The following NPC1L1 variants were observed in gnomAD, a reference collection of about 807,000 sequenced individuals.
NPC1L1 encodes the protein NPC1 like intracellular cholesterol transporter 1.
In NPC1L1, 98 loss-of-function variants were observed where a neutral mutation model predicts 117.0. The observed-to-expected ratio is 0.84, with a 90% CI of 0.71 to 0.99. The LOEUF (loss-of-function observed/expected upper bound fraction) is 0.99, where lower values mean the gene tolerates loss of function less well. Ranked by LOEUF, NPC1L1 falls within the 50% of genes least tolerant of loss-of-function variation. The pLI is 0.00. For synonymous variants in NPC1L1, 729 were observed against 727.6 expected (o/e 1.00, Z -0.03); for missense variants, 1,540 against 1,710.0 (o/e 0.90, Z 1.75).
rs1394558305 is a variant in NPC1L1 at position 44,534,444 on chromosome 7, T to C, written c.2166+3A>G. On this transcript the variant is annotated splice_donor_region_variant and intron_variant, in intron 6 of 18. Coordinates refer to ENST00000381160, the MANE Select transcript of NPC1L1 (RefSeq NM_001101648.2). The surrounding 1 kb of genome is among the most constrained non-coding windows in gnomAD (Gnocchi z 5.2). Reference sequence around the variant, plus strand: ...GGGGTGTGGAGAGCTCCTCCCTTCTTACCTGGTACTCGAGAACAAAGATGA... The same window carrying C: ...GGGGTGTGGAGAGCTCCTCCCTTCTCACCTGGTACTCGAGAACAAAGATGA... The C allele has an allele frequency of 1.2e-6, 2 of 1,613,816 alleles. No individual in the cohort carries two copies. The highest frequency in any genetic ancestry group is 3.3e-5 in the Admixed American group (2 of 59,982).
At position 44,532,143 on chromosome 7, in the gene NPC1L1, C is replaced by A. The variant is rs764363101; in HGVS notation, c.2484G>T (p.Leu828=). The change falls in exon 9 of 19, where the codon CTG becomes CTT. Residue 828 remains leucine, a synonymous_variant. Coordinates refer to ENST00000381160, the MANE Select transcript of NPC1L1 (RefSeq NM_001101648.2). Reference sequence around the variant, plus strand: ...CATAAGCCTTTTGGAAGAAGCCAAGCAGGAGCCCCTCTCCCTGGCCAGGCG... The same window carrying A: ...CATAAGCCTTTTGGAAGAAGCCAAGAAGGAGCCCCTCTCCCTGGCCAGGCG... ...LPPPGQGEGL[L]LGFFQKAYAP... 1.9e-5 allele frequency: 30 copies of A among 1,613,994 alleles called. No individual in the cohort carries two copies. Among genetic ancestry groups the A allele is most frequent in the African/African-American group, 4.0e-5 (3 of 74,916 alleles).
Position 44,539,924 on chromosome 7 carries a change from G to C in NPC1L1, c.473C>G (p.Ala158Gly), listed in dbSNP as rs141818284. The C allele has an allele frequency of 1.6e-4, 264 of 1,614,100 alleles. No individual in the cohort carries two copies. Among genetic ancestry groups the C allele is most frequent in the Non-Finnish European group, 2.2e-4 (257 of 1,180,052 alleles). The change falls in exon 2 of 19, where the codon GCC (alanine) becomes GGC (glycine). Residue 158 changes from alanine to glycine, a missense_variant. Coordinates refer to ENST00000381160, the MANE Select transcript of NPC1L1 (RefSeq NM_001101648.2). The surrounding 1 kb of genome is among the most constrained non-coding windows in gnomAD (Gnocchi z 4.4). ...GQLPAVVAYE[A>G]FYQHSFAEQS... Reference sequence around the variant, plus strand: ...CTCGGCAAAGCTATGCTGGTAGAAGGCCTCATAGGCCACCACAGCTGGGAG... The same window carrying C: ...CTCGGCAAAGCTATGCTGGTAGAAGCCCTCATAGGCCACCACAGCTGGGAG...
chr7:44,536,978 C>T lies in NPC1L1; in HGVS notation c.1581-36G>A, dbSNP rs1396616631. 7.6e-6 allele frequency: 12 copies of T among 1,569,262 alleles called. No homozygotes were observed. The highest frequency in any genetic ancestry group is 1.0e-5 in the Non-Finnish European group (12 of 1,143,392). On this transcript the variant is annotated intron_variant, in intron 2 of 18. Coordinates refer to ENST00000381160, the MANE Select transcript of NPC1L1 (RefSeq NM_001101648.2). The surrounding 1 kb of genome is among the most constrained non-coding windows in gnomAD (Gnocchi z 4.7). ...ATGACCGCAAAGGGAAAGGGCCTTTCCTGGCCCTGCCCAGTCCCTATGGCC... is the reference window on the plus strand; with the variant it reads ...ATGACCGCAAAGGGAAAGGGCCTTTTCTGGCCCTGCCCAGTCCCTATGGCC...
In NPC1L1 at chr7:44,534,689, G is replaced by T; in HGVS notation, c.1984-60C>A. On this transcript the variant is annotated intron_variant, in intron 5 of 18. Transcript: ENST00000381160. The surrounding 1 kb of genome is among the most constrained non-coding windows in gnomAD (Gnocchi z 5.2). ...TAGCACCTACCCAGTATGCCCACCA[G>T]CCTCAGCTAGGCCAGACAAAGTAGC... 1 of 1,582,474 alleles carries T rather than the reference G, an allele frequency of 6.3e-7. No homozygotes were observed. Among genetic ancestry groups the T allele is most frequent in the Non-Finnish European group, 8.6e-7 (1 of 1,156,520 alleles).
rs1333861676 is a variant in NPC1L1, at chr7:44,532,150, C to T, written c.2477G>A (p.Gly826Glu). ...QELPPPGQGE[G>E]LLLGFFQKAY... ...CTTTTGGAAGAAGCCAAGCAGGAGC[C>T]CCTCTCCCTGGCCAGGCGGGGGCAG... Residue 826 changes from glycine to glutamate, a missense_variant, in exon 9 of 19, where the codon GGG becomes GAG. Physicochemically the swap from Gly to Glu is moderately conservative, Grantham distance 98. Transcript: ENST00000381160. 2 of 1,613,968 alleles carry T rather than the reference C, an allele frequency of 1.2e-6. No individual in the cohort carries two copies. Among genetic ancestry groups the T allele is most frequent in the Non-Finnish European group, 1.7e-6 (2 of 1,180,034 alleles).
chr7:44,536,544 C>T lies in NPC1L1; in HGVS notation c.1682-116G>A, dbSNP rs1445159210. 1.7e-6 allele frequency: 2 copies of T among 1,155,036 alleles called. No individual in the cohort carries two copies. Among genetic ancestry groups the T allele is most frequent in the South Asian group, 2.5e-5 (2 of 79,066 alleles). The allele number at this position is 1,155,036 out of a possible 1,614,324, so 71.5% of individuals were successfully genotyped here. A position where few individuals can be genotyped will look rare whatever the true frequency, so the allele number is the denominator to read the frequency against. On this transcript the variant is annotated intron_variant, in intron 3 of 18. Transcript: ENST00000381160. The surrounding 1 kb of genome is among the most constrained non-coding windows in gnomAD (Gnocchi z 4.7). ...TGCACCCCTCCCATCACCCCTTGCT[C>T]CTTCTCCCCCACTCCTTCCTCATCT...
At chr7:44,526,082 C>G (rs1015139373) in intron 10 of NPC1L1, among the ~76,000 whole-genome samples, 1 of 152,096 alleles carries the variant, frequency 6.6e-6, no homozygotes, top group African/African-American at 2.4e-5. Flanking sequence ...AGGAGAATCA[C>G]TTGAACCTGA....
chr7:44,526,315 G>A (rs532749477), intron 10 of NPC1L1, among the ~76,000 whole-genome samples: 7 of 151,598 alleles, frequency 4.6e-5, no homozygotes, highest in Non-Finnish European at 7.4e-5. Context: ...TTGGGAGGCC[G>A]AGGCAGACAG....
intron 10 of NPC1L1, among the ~76,000 whole-genome samples, chr7:44,525,969 C>T (rs548947166): frequency 6.6e-6 from 1 of 151,676 alleles, no homozygotes; most frequent in East Asian, 2.0e-4. Flanking sequence ...AGTTTGAGAC[C>T]AGCCTGGCCA....
intron 10 of NPC1L1, among the ~76,000 whole-genome samples, chr7:44,526,706 T>C (rs549131912): frequency 4.6e-4 from 69 of 151,642 alleles, no homozygotes; most frequent in Non-Finnish European, 7.8e-4. Context: ...GAGACCCCCA[T>C]CTCAAAAAAA....
chr7:44,516,330 G>T, intron 16 of NPC1L1, 133 bp from the exon 17 acceptor site: 1 of 813,804 alleles, frequency 1.2e-6, no homozygotes, highest in Non-Finnish European at 2.1e-6. Context: ...TTGGCCGGGT[G>T]CAGTGGCTCA....
Position 44,516,886 on chromosome 7 carries a change from C to T in NPC1L1, c.3336G>A (p.Gly1112=), listed in dbSNP as rs188329482. The T allele has an allele frequency of 1.4e-5, 23 of 1,614,104 alleles. No individual in the cohort carries two copies. The highest frequency in any genetic ancestry group is 8.3e-5 in the Admixed American group (5 of 60,016). The change falls in exon 16 of 19, where the codon GGG becomes GGA. Residue 1112 remains glycine (G), a synonymous_variant. Coordinates refer to ENST00000381160, the MANE Select transcript of NPC1L1 (RefSeq NM_001101648.2). ...YEQYLTILPE[G]LFMLSLCLVP... is the part of the protein sequence containing the mutation. ...CAAGGCAGAGGCTGAGCATGAAGAGCCCCTCAGGGAGGATGGTCAGGTACT... is the reference window on the plus strand; with the variant it reads ...CAAGGCAGAGGCTGAGCATGAAGAGTCCCTCAGGGAGGATGGTCAGGTACT...
chr7:44,535,291 G>C lies in NPC1L1; in HGVS notation c.1983+549C>G, dbSNP rs192742358. 6.9e-3 allele frequency among the ~76,000 whole-genome samples: 1,055 copies of C among 152,100 alleles called. 3 individuals are homozygous for C. The highest frequency in any genetic ancestry group is 0.041 in the Middle Eastern group (12 of 294). ...GAGGCAGGACAATTGTTGAACCCAG[G>C]AGGCGGAGGTTGCAGTGAGCCGAGA... is the stretch of plus-strand genomic sequence containing the variant. On this transcript the variant is annotated intron_variant, in intron 5 of 18. Coordinates refer to ENST00000381160, the MANE Select transcript of NPC1L1 (RefSeq NM_001101648.2).
intron 10 of NPC1L1, among the ~76,000 whole-genome samples, chr7:44,531,233 G>T (rs539780566): frequency 6.6e-6 from 1 of 152,110 alleles, no homozygotes; most frequent in Non-Finnish European, 1.5e-5. Flanking sequence ...CACTCTCCCC[G>T]ACCATGCCCT....
chr7:44,527,979 C>A (rs1490466722), intron 10 of NPC1L1, among the ~76,000 whole-genome samples: 1 of 152,122 alleles, frequency 6.6e-6, no homozygotes, highest in Non-Finnish European at 1.5e-5. Flanking sequence ...TGTGTGCCAC[C>A]ATGCCTGGCT....
In NPC1L1 at chr7:44,513,175, G is replaced by T; in HGVS notation, c.*272C>A. ...TGTGGGACAAACATGGAGTGTGTCTGTTCCTGCCAACTTCCAGACCCAGGC... is the reference window on the plus strand; with the variant it reads ...TGTGGGACAAACATGGAGTGTGTCTTTTCCTGCCAACTTCCAGACCCAGGC... On this transcript the variant is annotated 3_prime_UTR_variant, in exon 19 of 19. Coordinates refer to ENST00000381160, the MANE Select transcript of NPC1L1 (RefSeq NM_001101648.2). 1 of 513,280 alleles carries T rather than the reference G, an allele frequency of 1.9e-6. No homozygotes were observed. 31.8% of individuals were successfully genotyped at this position (513,280 alleles called of 1,614,324 possible).
intron 14 of NPC1L1, 42 bp from the exon 15 acceptor site, chr7:44,517,399 A>G (rs1801225688): frequency 7.5e-6 from 12 of 1,603,546 alleles, no homozygotes; most frequent in Non-Finnish European, 1.0e-5. Context: ...GGCAAAGGTC[A>G]GAGCCCTTTC....
chr7:44,521,921 T>C (rs1020535644), intron 11 of NPC1L1, 85 bp from the exon 12 acceptor site: 2 of 1,604,788 alleles, frequency 1.2e-6, no homozygotes, highest in African/African-American at 2.7e-5. Flanking sequence ...CACGCAGCCC[T>C]CCCCAGGCAT....
intron 10 of NPC1L1, among the ~76,000 whole-genome samples, chr7:44,523,685 G>A (rs78164088): frequency 0.062 from 9,444 of 152,052 alleles, 1,042 homozygotes; most frequent in African/African-American, 0.22. Flanking sequence ...GGCACATAGC[G>A]ACACCCTGTC....
Sources: gnomAD v4.1 joint callset for allele counts (sites outside exome capture counted in the v4.1 genomes callset) on GRCh38, gnomAD v4.1.1 for gene constraint, Gnocchi (gnomAD v3.1) non-coding constraint, MANE v1.5 for transcripts, NCBI Gene and HGNC (gene_info 2026-07-23, HGNC 2026-07-21) for gene names.